The following CSMD1 variants were observed in gnomAD, a reference collection of about 807,000 sequenced individuals.
The protein encoded by CSMD1 is CUB and Sushi multiple domains 1, also known as CUB and sushi domain-containing protein 1.
Under a neutral mutation model 417.5 loss-of-function variants are expected in CSMD1, and 213 were observed. The ratio of observed to expected loss-of-function variants is 0.51; its 90% CI spans 0.46 to 0.57. The LOEUF is 0.57. Ranked by LOEUF, CSMD1 falls within the 20% of genes least tolerant of loss-of-function variation. The pLI, the probability that CSMD1 is intolerant of heterozygous loss-of-function variation, is 0.00. For missense variants in CSMD1, 6,923 were observed against 4,529.7 expected, an observed-to-expected ratio of 1.53 and a Z score of -15.17; for synonymous variants, 2,862 against 1,736.8, an observed-to-expected ratio of 1.65 and a Z score of -16.11.
intron 5 of CSMD1, among the ~76,000 whole-genome samples, chr8:3,821,149 C>G (rs1423435539): frequency 6.6e-6 from 1 of 152,052 alleles, no homozygotes; most frequent in African/African-American, 2.4e-5. Context: ...AACTCCTGAC[C>G]TCAGGTGATC....
intron 2 of CSMD1, among the ~76,000 whole-genome samples, chr8:4,460,915 A>G (rs192430517): frequency 1.3e-4 from 20 of 152,150 alleles, no homozygotes; most frequent in East Asian, 3.9e-4. Flanking sequence ...ATTCCAACTT[A>G]TTTTATAAGG....
In CSMD1 at chr8:4,637,528, G is replaced by T. The variant is rs1201974912; in HGVS notation, c.116C>A (p.Pro39His). The T allele has an allele frequency of 6.2e-7, 1 of 1,613,422 alleles. No homozygotes were observed. The highest frequency in any genetic ancestry group is 1.3e-5 in the African/African-American group (1 of 74,796). Residue 39 changes from proline (P) to histidine (H), a missense_variant, in exon 2 of 70, where the codon CCC becomes CAC. By Grantham distance (77) the Pro-to-His change is moderately conservative. Coordinates refer to ENST00000635120, the MANE Select transcript of CSMD1 (RefSeq NM_033225.6). ...GQNCGGLVQG[P>H]NGTIESPGFP... ...CCCTGGGCTCTCAATAGTGCCATTG[G>T]GACCCTGGACTAAGCCTCCACAGTT...
chr8:4,627,031 C>CT (rs1363675983), intron 2 of CSMD1, among the ~76,000 whole-genome samples: 1 of 151,982 alleles, frequency 6.6e-6, no homozygotes, highest in African/African-American at 2.4e-5. Flanking sequence ...TATTATATTC[C>CT]TTTTTTAAAT....
intron 54 of CSMD1, among the ~76,000 whole-genome samples, chr8:2,987,745 C>T (rs534707472): frequency 6.6e-6 from 1 of 152,128 alleles, no homozygotes; most frequent in African/African-American, 2.4e-5. Context: ...GGGGACACAC[C>T]CTGCCAGCGG....
intron 5 of CSMD1, among the ~76,000 whole-genome samples, chr8:3,785,746 G>C (rs776518818): frequency 1.3e-5 from 2 of 152,118 alleles, no homozygotes; most frequent in Non-Finnish European, 2.9e-5. Flanking sequence ...GGAGCCAGGA[G>C]CTAGGAAGCC....
At chr8:3,624,643 G>A (rs4875761) in intron 7 of CSMD1, among the ~76,000 whole-genome samples, 66,161 of 151,954 alleles carry the variant, frequency 0.44, 14,892 homozygotes, top group East Asian at 0.68. Context: ...TACAAAACAT[G>A]TTCTCATTGA....
chr8:4,723,981 G>A (rs1251172066), intron 1 of CSMD1, among the ~76,000 whole-genome samples: 1 of 151,942 alleles, frequency 6.6e-6, no homozygotes, highest in African/African-American at 2.4e-5. Flanking sequence ...CAGAAAGAAC[G>A]TGAAAACAAT....
chr8:4,152,895 T>C (rs1036850855), intron 3 of CSMD1, among the ~76,000 whole-genome samples: 1 of 152,124 alleles, frequency 6.6e-6, no homozygotes, highest in African/African-American at 2.4e-5. Flanking sequence ...AGACTTAAGA[T>C]TTTTCTCAAA....
At chr8:3,166,293 G>A (rs910385553) in intron 37 of CSMD1, among the ~76,000 whole-genome samples, 1 of 152,154 alleles carries the variant, frequency 6.6e-6, no homozygotes, top group Non-Finnish European at 1.5e-5. Context: ...CACTTTGGGA[G>A]GCCGAGGCAG....
At position 3,158,604 on chromosome 8, in the gene CSMD1, T is replaced by G. The variant is rs186887977; in HGVS notation, c.5845-638A>C. 3.6e-3 allele frequency among the ~76,000 whole-genome samples: 549 copies of G among 152,088 alleles called. 4 individuals carry two copies. The highest frequency in any genetic ancestry group is 0.013 in the African/African-American group (534 of 41,474). On this transcript the variant is annotated intron_variant, in intron 38 of 69. Transcript: ENST00000635120. ...CTGTAAATACATGAATTTTCCACTT[T>G]CTACTTTAAAAAATCTGTTCCAGTC...
At chr8:4,010,764 G>T (rs1032270933) in intron 4 of CSMD1, among the ~76,000 whole-genome samples, 1 of 152,090 alleles carries the variant, frequency 6.6e-6, no homozygotes, top group African/African-American at 2.4e-5. Flanking sequence ...ATGGCCTAAT[G>T]CACTTCCTTG....
chr8:4,633,051 T>C (rs748390128), intron 2 of CSMD1, among the ~76,000 whole-genome samples: 4 of 152,050 alleles, frequency 2.6e-5, no homozygotes, highest in South Asian at 4.1e-4. Flanking sequence ...TTGCCGGAGA[T>C]AGAAGCCAGG....
chr8:3,014,630 T>G (rs1259399362), intron 52 of CSMD1, among the ~76,000 whole-genome samples: 1 of 152,152 alleles, frequency 6.6e-6, no homozygotes, highest in East Asian at 1.9e-4. Context: ...GCGTGCCAGT[T>G]TCTGATTTTA....
intron 3 of CSMD1, among the ~76,000 whole-genome samples, chr8:4,320,468 G>T (rs778575461): frequency 2.0e-5 from 3 of 152,024 alleles, no homozygotes; most frequent in Non-Finnish European, 4.4e-5. Flanking sequence ...ATCAACCTGC[G>T]ATCTACATTA....
intron 7 of CSMD1, among the ~76,000 whole-genome samples, chr8:3,623,077 ACACACC>A (rs1796333893): frequency 6.6e-6 from 1 of 152,244 alleles, no homozygotes; most frequent in Admixed American, 6.5e-5. Flanking sequence ...TTGGTTCATT[ACACACC>A]ATTAATATTA....
intron 3 of CSMD1, among the ~76,000 whole-genome samples, chr8:4,192,054 T>G (rs1489607623): frequency 6.6e-6 from 1 of 152,106 alleles, no homozygotes; most frequent in African/African-American, 2.4e-5. Flanking sequence ...GTATTTGTGT[T>G]TTCATCTCAA....
intron 3 of CSMD1, among the ~76,000 whole-genome samples, chr8:4,136,051 T>G (rs2052901647): frequency 6.6e-6 from 1 of 152,124 alleles, no homozygotes; most frequent in Non-Finnish European, 1.5e-5. Context: ...GAATTTTAAA[T>G]GGCACTTGGC....
intron 1 of CSMD1, among the ~76,000 whole-genome samples, chr8:4,834,016 G>A (rs1295989270): frequency 2.6e-5 from 4 of 152,054 alleles, no homozygotes; most frequent in East Asian, 3.9e-4. Context: ...AATAGACCCG[G>A]GATGCAATAT....
At chr8:4,392,024 G>C (rs770451495) in intron 3 of CSMD1, among the ~76,000 whole-genome samples, 2 of 150,426 alleles carry the variant, frequency 1.3e-5, no homozygotes, top group East Asian at 1.9e-4. Context: ...GAGTGGGTAA[G>C]TGAGTCCCAG....
Sources: allele counts gnomAD v4.1 joint callset (sites outside exome capture counted in the v4.1 genomes callset), GRCh38; gene constraint gnomAD v4.1.1; transcripts MANE v1.5; gene names NCBI Gene and HGNC (gene_info 2026-07-23, HGNC 2026-07-21).